POLN: variants seen among roughly 807,000 people sequenced by gnomAD.
POLN encodes DNA polymerase N.
In POLN, 108 loss-of-function variants were observed where a neutral mutation model predicts 113.5. The observed-to-expected ratio is 0.95, with a 90% CI of 0.81 to 1.12. The LOEUF is 1.12. Ranked by LOEUF, POLN falls within the 50% of genes most tolerant of loss-of-function variation. POLN has a pLI of 0.00. For missense variants in POLN, 1,097 were observed against 1,077.1 expected, an observed-to-expected ratio of 1.02 and a Z score of -0.26; for synonymous variants, 386 against 391.5, an observed-to-expected ratio of 0.99 and a Z score of 0.17.
chr4:2,137,603 T>C (rs1213276950), intron 16 of POLN, among the ~76,000 whole-genome samples: 1 of 152,030 alleles, frequency 6.6e-6, no homozygotes, highest in Non-Finnish European at 1.5e-5. Flanking sequence ...CCCCTCTGCC[T>C]GCTCCTCCTG....
chr4:2,129,140 AC>A, intron 18 of POLN, 38 bp downstream of exon 18: 1 of 1,416,530 alleles, frequency 7.1e-7, no homozygotes, highest in Non-Finnish European at 1.0e-6. Context: ...AAACCTTTGA[AC>A]CCTATGAAAA....
Position 2,173,739 on chromosome 4 carries a change from C to T in POLN, c.1374+216G>A, listed in dbSNP as rs1284629313. 2.0e-5 allele frequency among the ~76,000 whole-genome samples: 3 copies of T among 152,126 alleles called. No individual in the cohort carries two copies. In the East Asian group the frequency reaches 5.8e-4, roughly 29 times the overall value. On this transcript the variant is annotated intron_variant, in intron 11 of 25. Transcript: ENST00000511885. ...ACTTTTGAGGAGGATCCTGAGGAGC[C>T]ATTAAAGAACTCCCCGGACACACAC...
chr4:2,189,520 T>G (rs1229679530), intron 7 of POLN, among the ~76,000 whole-genome samples: 1 of 150,912 alleles, frequency 6.6e-6, no homozygotes, highest in Non-Finnish European at 1.5e-5. Context: ...GCGCCTGTAG[T>G]CCCAGCTACT....
At chr4:2,238,796 A>C in intron 2 of POLN, 1 of 1,613,426 alleles carries the variant, frequency 6.2e-7, no homozygotes, top group Non-Finnish European at 8.5e-7. Context: ...TAACTGTAGA[A>C]GTTCAAATGA....
intron 19 of POLN, among the ~76,000 whole-genome samples, chr4:2,114,387 G>A (rs1731269837): frequency 6.6e-6 from 1 of 152,266 alleles, no homozygotes; most frequent in African/African-American, 2.4e-5. Flanking sequence ...TCTTCAGCCT[G>A]AAGAACCTCT....
Position 2,128,094 on chromosome 4 carries a change from G to C in POLN, c.1982+19C>G, listed in dbSNP as rs894825958. 6.9e-7 allele frequency: 1 copy of C among 1,444,518 alleles called. No homozygotes were observed. Among genetic ancestry groups the C allele is most frequent in the Admixed American group, 1.7e-5 (1 of 59,568 alleles). The allele number at this position is 1,444,518 out of a possible 1,614,324, so 89.5% of individuals were successfully genotyped here. ...GCCTTCCTGCAGATCTGATAATATT[G>C]TGAGTTCATATATCTTACCACTGTG... is the stretch of plus-strand genomic sequence containing the variant. On this transcript the variant is annotated intron_variant, in intron 19 of 25. Coordinates refer to ENST00000511885, the MANE Select transcript of POLN (RefSeq NM_181808.4).
intron 16 of POLN, among the ~76,000 whole-genome samples, chr4:2,145,568 T>C (rs1371487974): frequency 6.6e-6 from 1 of 152,132 alleles, no homozygotes; most frequent in Non-Finnish European, 1.5e-5. Flanking sequence ...TCATTACTAA[T>C]AAAAGTAATG....
chr4:2,142,302 A>G (rs1010350350), intron 16 of POLN, among the ~76,000 whole-genome samples: 2 of 152,236 alleles, frequency 1.3e-5, no homozygotes, highest in Non-Finnish European at 2.9e-5. Context: ...CTGAAGTAAT[A>G]GAGGCCTCAG....
chr4:2,098,212 G>A (rs1456549482), intron 19 of POLN, among the ~76,000 whole-genome samples: 3 of 152,096 alleles, frequency 2.0e-5, no homozygotes, highest in Non-Finnish European at 4.4e-5. Context: ...CCAGGAGTTC[G>A]AAACCAGCCT....
intron 17 of POLN, among the ~76,000 whole-genome samples, chr4:2,130,701 G>A (rs565572791): frequency 7.7e-4 from 117 of 152,222 alleles, no homozygotes; most frequent in Admixed American, 1.2e-3. Context: ...CAGGAGGAAA[G>A]CTGCTTTCCT....
intron 3 of POLN, among the ~76,000 whole-genome samples, chr4:2,216,188 A>G (rs540071731): frequency 3.3e-4 from 50 of 152,330 alleles, no homozygotes; most frequent in African/African-American, 1.2e-3. Context: ...CAAGGAGCTC[A>G]AAATGACCAG....
intron 13 of POLN, among the ~76,000 whole-genome samples, chr4:2,164,802 CAAAAAAAAAAAAAAAAAAAAAAAAAAAA>C (rs33935159): frequency 1.0e-4 from 3 of 28,694 alleles, no homozygotes; most frequent in Non-Finnish European, 1.4e-4. Context: ...GACTCTGTCT[CAAAAAAAAAAAAAAAAAAAAAAAAAAAA>C]AAAAAAAAAA....
rs976041572 is a variant in POLN at position 2,080,558 on chromosome 4, C to T, written c.2387+400G>A. 2.5e-6 allele frequency: 3 copies of T among 1,182,466 alleles called. No homozygotes were observed. In the African/African-American group the frequency reaches 4.8e-5, roughly 19 times the overall value. The allele number at this position is 1,182,466 out of a possible 1,614,324, so 73.2% of individuals were successfully genotyped here. A position where few individuals can be genotyped will look rare whatever the true frequency, so the allele number is the denominator to read the frequency against. On this transcript the variant is annotated intron_variant, in intron 23 of 25. Coordinates refer to ENST00000511885, the MANE Select transcript of POLN (RefSeq NM_181808.4). ...GGTGGGGGCAGAGCTGGGCGTGGGG[C>T]ACACTGCCTGGCATTGGTGGCAGCA...
At chr4:2,158,777 C>T (rs1336257530) in intron 14 of POLN, among the ~76,000 whole-genome samples, 2 of 152,208 alleles carry the variant, frequency 1.3e-5, no homozygotes, top group Non-Finnish European at 2.9e-5. Context: ...TGCAAGATGA[C>T]ACAACACTAC....
chr4:2,158,295 G>A (rs1159392378), intron 14 of POLN, among the ~76,000 whole-genome samples: 1 of 152,106 alleles, frequency 6.6e-6, no homozygotes, highest in African/African-American at 2.4e-5. Flanking sequence ...TTCACAGAGT[G>A]CCGGGCACGT....
intron 7 of POLN, among the ~76,000 whole-genome samples, chr4:2,188,629 CAAAA>C (rs1560087399): frequency 0.098 from 14,754 of 151,252 alleles, 1,205 homozygotes; most frequent in African/African-American, 0.21. Context: ...AAAAACAAAA[CAAAA>C]CAAAAAAAAA....
chr4:2,169,493 A>G (rs983957229), intron 13 of POLN, among the ~76,000 whole-genome samples: 1 of 152,180 alleles, frequency 6.6e-6, no homozygotes, highest in Non-Finnish European at 1.5e-5. Context: ...CTTTTCTCAG[A>G]ATGGCCGATG....
intron 2 of POLN, among the ~76,000 whole-genome samples, chr4:2,239,260 T>C (rs751209672): frequency 9.9e-5 from 15 of 152,208 alleles, no homozygotes; most frequent in Admixed American, 6.5e-5. Context: ...TACTACCATA[T>C]ATATAGTAAC....
Position 2,127,715 on chromosome 4 carries a change from G to C in POLN, c.1982+398C>G, listed in dbSNP as rs1475320633. Among the ~76,000 whole-genome samples, 1 of 152,240 alleles carries C rather than the reference G, an allele frequency of 6.6e-6. No individual in the cohort carries two copies. Among genetic ancestry groups the C allele is most frequent in the African/African-American group, 2.4e-5 (1 of 41,464 alleles). ...ACTCAGGCAGGATCTTTCACCCGCA[G>C]CTCAAGAAGCCCCTGGCCCACAGAT... On this transcript the variant is annotated intron_variant, in intron 19 of 25. Coordinates refer to ENST00000511885, the MANE Select transcript of POLN (RefSeq NM_181808.4). The surrounding 1 kb of genome is among the most constrained non-coding windows in gnomAD (Gnocchi z 4.7).
Sources: allele counts gnomAD v4.1 joint callset (sites outside exome capture counted in the v4.1 genomes callset), GRCh38; gene constraint gnomAD v4.1.1; non-coding constraint Gnocchi (gnomAD v3.1); transcripts MANE v1.5; gene names NCBI Gene and HGNC (gene_info 2026-07-23, HGNC 2026-07-21).